TRAK1: variants seen among roughly 807,000 people sequenced by gnomAD.
TRAK1 encodes the protein trafficking kinesin-binding protein 1.
In TRAK1, 33 loss-of-function variants were observed where a neutral mutation model predicts 92.1. The ratio of observed to expected loss-of-function variants is 0.36; its 90% confidence interval spans 0.27 to 0.48. The LOEUF is 0.48. TRAK1 is among the 20% of genes least tolerant of loss of function. The pLI is 0.99. For missense variants in TRAK1, 1,123 were observed against 1,257.9 expected, an observed-to-expected ratio of 0.89 and a Z score of 1.62; for synonymous variants, 521 against 517.3, an observed-to-expected ratio of 1.01 and a Z score of -0.10.
At chr3:42,209,682 G>T in intron 13 of TRAK1, 85 bp from the exon 14 acceptor site, 1 of 1,368,252 alleles carries the variant, frequency 7.3e-7, no homozygotes, top group Non-Finnish European at 1.0e-6. Context: ...GCACTTTGAG[G>T]GTGGTAAACA....
intron 4 of TRAK1, chr3:42,185,068 C>T (rs1704601031): frequency 2.2e-6 from 1 of 445,258 alleles, no homozygotes; most frequent in African/African-American, 1.9e-5. Flanking sequence ...GGTCCTCACT[C>T]AGTCGTACAT....
At chr3:42,082,656 TAA>T (rs533743684), upstream of TRAK1, among the ~76,000 whole-genome samples, 1 of 145,546 alleles carries the variant, frequency 6.9e-6, no homozygotes, top group Admixed American at 6.9e-5. Context: ...GAGCCTTTGT[TAA>T]AAAAAAAAAC....
chr3:42,018,845 T>C (rs1010968207), intron 1 of TRAK1, among the ~76,000 whole-genome samples: 2 of 152,212 alleles, frequency 1.3e-5, no homozygotes, highest in African/African-American at 4.8e-5. Flanking sequence ...TATTAATGGC[T>C]GAGTGTGGTG....
At chr3:42,020,731 G>A (rs1414682455) in intron 1 of TRAK1, among the ~76,000 whole-genome samples, 2 of 152,262 alleles carry the variant, frequency 1.3e-5, no homozygotes, top group East Asian at 1.9e-4. Flanking sequence ...TCTGGATTTG[G>A]TATATGAGAC....
intron 2 of TRAK1, chr3:42,146,340 T>G (rs1267894576): frequency 6.9e-6 from 2 of 288,002 alleles, no homozygotes; most frequent in Middle Eastern, 1.6e-3. Flanking sequence ...GGGATACTTT[T>G]CCATATCAAA....
chr3:42,064,271 C>T (rs1703578403), intron 1 of TRAK1, among the ~76,000 whole-genome samples: 1 of 151,830 alleles, frequency 6.6e-6, no homozygotes, highest in Non-Finnish European at 1.5e-5. Flanking sequence ...TGAGACCAGC[C>T]TGGGCAACGT....
chr3:42,110,240 C>T (rs1708204535), intron 1 of TRAK1, among the ~76,000 whole-genome samples: 1 of 151,220 alleles, frequency 6.6e-6, no homozygotes, highest in South Asian at 2.1e-4. Flanking sequence ...TTGAATAGCC[C>T]AGACGGGCAG....
intron 10 of TRAK1, among the ~76,000 whole-genome samples, chr3:42,195,668 A>G (rs1426518275): frequency 2.0e-5 from 3 of 151,578 alleles, no homozygotes; most frequent in Non-Finnish European, 4.4e-5. Context: ...GCTCCCATGC[A>G]TCAAAGTCAG....
chr3:42,016,784 C>G (rs1316244061), intron 1 of TRAK1, among the ~76,000 whole-genome samples: 2 of 152,158 alleles, frequency 1.3e-5, no homozygotes, highest in Non-Finnish European at 2.9e-5. Context: ...CCCTTTGGGG[C>G]TCAAGTAAGA....
chr3:42,127,484 C>G (rs546364478), intron 2 of TRAK1, among the ~76,000 whole-genome samples: 46 of 151,754 alleles, frequency 3.0e-4, no homozygotes, highest in African/African-American at 1.1e-3. Context: ...TCCTGAGTAG[C>G]TAGGACTACA....
chr3:42,071,693 C>T (rs186607374), intron 1 of TRAK1, among the ~76,000 whole-genome samples: 149 of 148,904 alleles, frequency 1.0e-3, no homozygotes, highest in African/African-American at 3.5e-3. Flanking sequence ...GGATGACAAG[C>T]GAAAGTCTGT....
chr3:42,110,126 AT>A (rs1708181711), intron 1 of TRAK1, among the ~76,000 whole-genome samples: 1 of 126,598 alleles, frequency 7.9e-6, no homozygotes, highest in Non-Finnish European at 1.7e-5. Context: ...ATATATATAT[AT>A]ATATAAACTT....
At chr3:42,052,983 GAC>G (rs1448644257) in intron 1 of TRAK1, among the ~76,000 whole-genome samples, 2 of 152,198 alleles carry the variant, frequency 1.3e-5, no homozygotes, top group South Asian at 4.1e-4. Flanking sequence ...TAAGGGGAAA[GAC>G]AGGGGGAGCT....
At chr3:42,180,401 G>A (rs1288922499) in intron 3 of TRAK1, among the ~76,000 whole-genome samples, 1 of 152,154 alleles carries the variant, frequency 6.6e-6, no homozygotes, top group Non-Finnish European at 1.5e-5. Context: ...GGGAGGCTGA[G>A]GTGGGAGGAT....
chr3:42,074,990 A>G (rs893567044), intron 1 of TRAK1, among the ~76,000 whole-genome samples: 16 of 152,072 alleles, frequency 1.1e-4, no homozygotes, highest in African/African-American at 3.4e-4. Flanking sequence ...ATCACTTAGG[A>G]TAATGGCCTT....
chr3:42,048,416 C>G (rs578121648), intron 1 of TRAK1, among the ~76,000 whole-genome samples: 1 of 152,270 alleles, frequency 6.6e-6, no homozygotes, highest in South Asian at 2.1e-4. Context: ...AAGGCAAATG[C>G]TACTCAAAGG....
intron 2 of TRAK1, among the ~76,000 whole-genome samples, chr3:42,164,222 C>T (rs143133169): frequency 1.1e-4 from 16 of 152,288 alleles, no homozygotes; most frequent in South Asian, 2.1e-4. Flanking sequence ...TGGATCTAAC[C>T]GTGTTACCTG....
chr3:42,159,811 C>T (rs1330379126), intron 2 of TRAK1, among the ~76,000 whole-genome samples: 2 of 152,200 alleles, frequency 1.3e-5, no homozygotes, highest in African/African-American at 4.8e-5. Flanking sequence ...TTTGTCTCCA[C>T]ATCTTAAGCC....
intron 1 of TRAK1, among the ~76,000 whole-genome samples, chr3:42,069,923 C>T (rs1703845757): frequency 6.6e-6 from 1 of 152,074 alleles, no homozygotes; most frequent in Non-Finnish European, 1.5e-5. Context: ...GCAGTCTCCC[C>T]TCACTGCAAC....
Sources: gnomAD v4.1 joint callset for allele counts (sites outside exome capture counted in the v4.1 genomes callset) on GRCh38, gnomAD v4.1.1 for gene constraint, MANE v1.5 for transcripts, NCBI Gene and HGNC (gene_info 2026-07-23, HGNC 2026-07-21) for gene names.